The following SCN9A variants were observed in gnomAD, a reference collection of about 807,000 sequenced individuals.
SCN9A encodes the protein sodium channel protein type 9 subunit alpha.
SCN9A carries 131 observed loss-of-function variants against 187.0 expected under a neutral mutation model. The observed-to-expected ratio is 0.70, with a 90% CI of 0.61 to 0.81. The LOEUF (loss-of-function observed/expected upper bound fraction) is 0.81. SCN9A is among the 30% of genes least tolerant of loss of function. The pLI, the probability that SCN9A is intolerant of heterozygous loss-of-function variation, is 0.00. For synonymous variants in SCN9A, 809 were observed against 808.6 expected (o/e 1.00, Z -0.01); for missense variants, 2,252 against 2,396.6 (o/e 0.94, Z 1.26).
At chr2:166,351,173 C>T (rs1700025002) in intron 1 of SCN9A, among the ~76,000 whole-genome samples, 1 of 151,990 alleles carries the variant, frequency 6.6e-6, no homozygotes, top group Admixed American at 6.6e-5. Context: ...AGTCTTGAAG[C>T]ATGAAAAGCC....
chr2:166,214,716 G>C (rs572219471), intron 24 of SCN9A, among the ~76,000 whole-genome samples: 1 of 150,470 alleles, frequency 6.6e-6, no homozygotes, highest in South Asian at 2.1e-4. Flanking sequence ...GGGTTTCACC[G>C]TGTTAGCCAG....
chr2:166,364,161 T>TAAA (rs58184464), intron 1 of SCN9A, among the ~76,000 whole-genome samples: 15 of 145,644 alleles, frequency 1.0e-4, no homozygotes, highest in South Asian at 4.3e-4. Context: ...GGTTATTGTT[T>TAAA]AAAAAAAAAA....
chr2:166,266,201 G>A (rs1011925436), intron 17 of SCN9A, among the ~76,000 whole-genome samples: 1 of 151,758 alleles, frequency 6.6e-6, no homozygotes, highest in African/African-American at 2.4e-5. Flanking sequence ...GTAGTTTTCA[G>A]TCTTACATTT....
intron 17 of SCN9A, among the ~76,000 whole-genome samples, chr2:166,254,361 A>G (rs1696173550): frequency 6.6e-6 from 1 of 151,614 alleles, no homozygotes; most frequent in Non-Finnish European, 1.5e-5. Flanking sequence ...GTTTATAAGC[A>G]TGCTTTAGCA....
chr2:166,285,939 T>C (rs1697719414), intron 11 of SCN9A, among the ~76,000 whole-genome samples: 1 of 152,192 alleles, frequency 6.6e-6, no homozygotes, highest in Non-Finnish European at 1.5e-5. Context: ...TACTATTACC[T>C]ATACTGTTTA....
chr2:166,369,802 C>A (rs1472386160), intron 1 of SCN9A, among the ~76,000 whole-genome samples: 1 of 152,096 alleles, frequency 6.6e-6, no homozygotes, highest in Non-Finnish European at 1.5e-5. Context: ...AAAGAATAGT[C>A]ATTTAGTAGA....
In SCN9A at chr2:166,278,212, A is replaced by C; in HGVS notation, c.2445T>G (p.Ile815Met). The C allele has an allele frequency of 6.2e-7, 1 of 1,613,232 alleles. No individual in the cohort carries two copies. Among genetic ancestry groups the C allele is most frequent in the Non-Finnish European group, 8.5e-7 (1 of 1,179,580 alleles). Residue 815 changes from isoleucine to methionine, a missense_variant, in exon 15 of 27, where the codon ATT becomes ATG. Physicochemically the swap from Ile to Met is conservative, Grantham distance 10. Transcript: ENST00000642356. ...AGAGCTCCACTAAACTTAAAGTCAC[A>C]ATAAGGCTGTCAAAAATATTCCAGC... ...QVGWNIFDSL[I>M]VTLSLVELFL...
At chr2:166,271,231 G>A (rs1218872684) in intron 17 of SCN9A, among the ~76,000 whole-genome samples, 1 of 152,038 alleles carries the variant, frequency 6.6e-6, no homozygotes, top group African/African-American at 2.4e-5. Flanking sequence ...CATCCATTTG[G>A]GGAGAAATTA....
chr2:166,364,761 C>T (rs1312421087), intron 1 of SCN9A, among the ~76,000 whole-genome samples: 1 of 152,022 alleles, frequency 6.6e-6, no homozygotes. Flanking sequence ...TGGTGGTGAT[C>T]GTGTACAACA....
rs1242544819 is a variant in SCN9A, at chr2:166,328,532, AG to A, written c.-50-16727del. 2.0e-5 allele frequency among the ~76,000 whole-genome samples: 3 copies of A among 152,152 alleles called. No homozygotes were observed. In the East Asian group the frequency reaches 5.8e-4, roughly 29 times the overall value. ...TGTTATACTTAATGAAAAGTTAAAA[AG>A]ATGAACGTAAAATGTTTTTAAAAAC... On this transcript the variant is annotated intron_variant, in intron 1 of 26. Transcript: ENST00000642356.
chr2:166,355,606 CT>C (rs1700134567), intron 1 of SCN9A, among the ~76,000 whole-genome samples: 1 of 151,380 alleles, frequency 6.6e-6, no homozygotes, highest in South Asian at 2.1e-4. Context: ...CATCTTTTAA[CT>C]TTGTCTTTAC....
chr2:166,337,736 C>T (rs960211771), intron 1 of SCN9A, among the ~76,000 whole-genome samples: 1 of 152,042 alleles, frequency 6.6e-6, no homozygotes, highest in African/African-American at 2.4e-5. Flanking sequence ...TCTTTTTAAT[C>T]CAGACTCCAA....
chr2:166,335,153 C>T (rs1283873290), intron 1 of SCN9A, among the ~76,000 whole-genome samples: 1 of 152,158 alleles, frequency 6.6e-6, no homozygotes, highest in East Asian at 1.9e-4. Context: ...TTTACTTCTA[C>T]ACAAATAAAA....
chr2:166,317,221 A>G (rs1223554313), intron 1 of SCN9A, among the ~76,000 whole-genome samples: 1 of 151,902 alleles, frequency 6.6e-6, no homozygotes, highest in Admixed American at 6.6e-5. Flanking sequence ...AGAAGAAAGA[A>G]AATATACTTT....
intron 1 of SCN9A, among the ~76,000 whole-genome samples, chr2:166,343,768 C>T (rs1699839987): frequency 6.6e-6 from 1 of 151,486 alleles, no homozygotes; most frequent in Admixed American, 6.6e-5. Context: ...CTGCACTCAG[C>T]CTGGGAGACA....
At chr2:166,266,445 T>C (rs1696741413) in intron 17 of SCN9A, among the ~76,000 whole-genome samples, 1 of 151,892 alleles carries the variant, frequency 6.6e-6, no homozygotes, top group African/African-American at 2.4e-5. Context: ...GTCAGTATCA[T>C]TCTGTTTGGT....
chr2:166,284,781 C>T lies in SCN9A; in HGVS notation c.1646G>A (p.Ser549Asn), dbSNP rs1697660890. Residue 549 changes from serine to asparagine, a missense_variant, in exon 12 of 27, where the codon AGC (serine) becomes AAC (asparagine). Transcript: ENST00000642356. ...GAAACTAAAAAGACTTGTTCTGCTG[C>T]TTCGCCTTGCAGAAAACAAGGAGCC... ...IRGSLFSARR[S>N]SRTSLFSFKG... 6.2e-7 allele frequency: 1 copy of T among 1,613,208 alleles called. No individual in the cohort carries two copies. Among genetic ancestry groups the T allele is most frequent in the South Asian group, 1.1e-5 (1 of 91,062 alleles).
At chr2:166,254,225 TATTA>T (rs1440253862) in intron 17 of SCN9A, among the ~76,000 whole-genome samples, 1 of 151,836 alleles carries the variant, frequency 6.6e-6, no homozygotes, top group Non-Finnish European at 1.5e-5. Flanking sequence ...CATGAACTAT[TATTA>T]ATTAATTTGT....
Position 166,307,043 on chromosome 2 carries a change from A to T in SCN9A, c.290T>A (p.Ile97Asn), listed in dbSNP as rs753812341. 5 of 1,610,942 alleles carry T rather than the reference A, an allele frequency of 3.1e-6. No homozygotes were observed. In the Admixed American group the frequency reaches 8.3e-5, roughly 27 times the overall value. The change falls in exon 3 of 27, where the codon ATC (isoleucine) becomes AAC (asparagine). Residue 97 changes from isoleucine to asparagine, a missense_variant. Around this residue, in one of 7 missense-constraint regions of SCN9A, gnomAD observed 1,013 missense variants for 997.4 expected, o/e 1.02. Transcript: ENST00000642356. ...AGCAGGTGTGGCATTGAAACGGAAG[A>T]TTGTTTTCCCTTTGTTCAATACTAT... ...TFIVLNKGKT[I>N]FRFNATPALY... is the part of the protein sequence containing the mutation.
Sources: allele counts gnomAD v4.1 joint callset (sites outside exome capture counted in the v4.1 genomes callset), GRCh38; gene constraint gnomAD v4.1.1; regional missense constraint gnomAD v4.1.1; transcripts MANE v1.5; gene names NCBI Gene and HGNC (gene_info 2026-07-23, HGNC 2026-07-21).